SERPINB7: variants seen among roughly 807,000 people sequenced by gnomAD.
SERPINB7 encodes serpin family B member 7.
In SERPINB7, 31 loss-of-function variants were observed where a neutral mutation model predicts 37.4. The ratio of observed to expected loss-of-function variants is 0.83; its 90% CI spans 0.62 to 1.12. The LOEUF (loss-of-function observed/expected upper bound fraction) is 1.12. SERPINB7 is among the 50% of genes most tolerant of loss of function. The probability of loss-of-function intolerance (pLI) is 0.00; values close to 1 mark genes in which losing one functional copy is unlikely to be tolerated. For synonymous variants in SERPINB7, 163 were observed against 166.1 expected, an observed-to-expected ratio of 0.98 and a Z score of 0.14; for missense variants, 521 against 455.3, an observed-to-expected ratio of 1.14 and a Z score of -1.31.
At chr18:63,770,873 G>GCACACACACACA (rs10634962), upstream of SERPINB7, among the ~76,000 whole-genome samples, 1,613 of 148,922 alleles carry the variant, frequency 0.011, 15 homozygotes, top group African/African-American at 0.026. Context: ...GTCTGCACAT[G>GCACACACACACA]CACACACACA....
At chr18:63,783,085 C>T (rs1466725380) in intron 2 of SERPINB7, among the ~76,000 whole-genome samples, 1 of 151,368 alleles carries the variant, frequency 6.6e-6, no homozygotes, top group Non-Finnish European at 1.5e-5. Flanking sequence ...TTGCAGTGAG[C>T]CGAGATAGCG....
At chr18:63,775,371 C>T (rs371005963), upstream of SERPINB7, 23 of 152,274 alleles carry the variant, frequency 1.5e-4, no homozygotes, top group South Asian at 4.6e-3. Flanking sequence ...AGAGACAGTG[C>T]TGTGCTCTGA....
chr18:63,791,322 T>A (rs950411160), intron 2 of SERPINB7, among the ~76,000 whole-genome samples: 2 of 152,182 alleles, frequency 1.3e-5, no homozygotes, highest in Non-Finnish European at 2.9e-5. Flanking sequence ...AAAATGGTGA[T>A]GACATAGAGT....
chr18:63,771,904 T>C (rs1055457983), upstream of SERPINB7, among the ~76,000 whole-genome samples: 1 of 151,032 alleles, frequency 6.6e-6, no homozygotes, highest in African/African-American at 2.4e-5. Context: ...GAAGGCTTCA[T>C]GGTTCAAAAA....
intron 6 of SERPINB7, among the ~76,000 whole-genome samples, 197 bp downstream of exon 6, chr18:63,798,943 C>T (rs1458737036): frequency 6.6e-6 from 1 of 152,082 alleles, no homozygotes; most frequent in Non-Finnish European, 1.5e-5. Flanking sequence ...TGAAACACCA[C>T]CAAACGTGTC....
chr18:63,787,184 T>G (rs1330328334), intron 2 of SERPINB7, among the ~76,000 whole-genome samples: 1 of 152,208 alleles, frequency 6.6e-6, no homozygotes, highest in East Asian at 1.9e-4. Flanking sequence ...TGCGTCATGT[T>G]GATGCTCAAA....
intron 2 of SERPINB7, among the ~76,000 whole-genome samples, chr18:63,783,965 T>TA (rs1464835816): frequency 6.6e-6 from 1 of 152,248 alleles, no homozygotes; most frequent in Non-Finnish European, 1.5e-5. Context: ...TACAGAGTCT[T>TA]AGACTGCTGT....
chr18:63,789,243 A>G (rs2049402494), intron 2 of SERPINB7, among the ~76,000 whole-genome samples: 1 of 152,194 alleles, frequency 6.6e-6, no homozygotes, highest in Non-Finnish European at 1.5e-5. Context: ...GGAAAGAAGG[A>G]TACAAAGGGA....
intron 1 of SERPINB7, among the ~76,000 whole-genome samples, chr18:63,755,219 A>G (rs550604010): frequency 6.6e-6 from 1 of 151,142 alleles, no homozygotes; most frequent in South Asian, 2.1e-4. Context: ...TGAGGTCTTA[A>G]GTTGAGGTGG....
chr18:63,773,052 C>T (rs549464510), upstream of SERPINB7, among the ~76,000 whole-genome samples: 20 of 152,104 alleles, frequency 1.3e-4, no homozygotes, highest in South Asian at 3.7e-3. Context: ...AAACAAGAGA[C>T]ATAGAGTAAC....
intron 1 of SERPINB7, among the ~76,000 whole-genome samples, chr18:63,760,714 C>T (rs1382008236): frequency 1.3e-5 from 2 of 152,164 alleles, no homozygotes; most frequent in African/African-American, 2.4e-5. Context: ...CTGAAAGGGG[C>T]CAATGTACAG....
intron 1 of SERPINB7, among the ~76,000 whole-genome samples, chr18:63,753,306 A>T (rs915655246): frequency 2.0e-5 from 3 of 152,188 alleles, no homozygotes; most frequent in Admixed American, 6.5e-5. Flanking sequence ...AACCACAGCC[A>T]ATCTCTGTTC....
chr18:63,800,060 T>C (rs772652861), intron 6 of SERPINB7, among the ~76,000 whole-genome samples: 1 of 93,962 alleles, frequency 1.1e-5, no homozygotes, highest in Non-Finnish European at 1.8e-5. Flanking sequence ...AAATAGCGTA[T>C]TTTTTTTTTT....
intron 5 of SERPINB7, among the ~76,000 whole-genome samples, chr18:63,797,029 C>T (rs1480049486): frequency 1.3e-5 from 2 of 152,138 alleles, no homozygotes; most frequent in African/African-American, 4.8e-5. Context: ...AAAAGTACAG[C>T]TCTTTATTGG....
chr18:63,799,556 G>T (rs2049524829), intron 6 of SERPINB7, among the ~76,000 whole-genome samples: 1 of 152,122 alleles, frequency 6.6e-6, no homozygotes, highest in Non-Finnish European at 1.5e-5. Context: ...GTTGAATCTA[G>T]ATCTCTGATA....
At chr18:63,759,139 T>C (rs1238789620) in intron 1 of SERPINB7, among the ~76,000 whole-genome samples, 1 of 152,222 alleles carries the variant, frequency 6.6e-6, no homozygotes, top group Admixed American at 6.5e-5. Flanking sequence ...ACTCTTCTGA[T>C]GTATCCTATC....
chr18:63,800,781 C>G lies in SERPINB7; in HGVS notation c.598-85C>G. 5 of 1,465,902 alleles carry G rather than the reference C, an allele frequency of 3.4e-6. 1 individual carries two copies. In the South Asian group the frequency reaches 6.7e-5, roughly 20 times the overall value. The allele number at this position is 1,465,902 out of a possible 1,614,324, so 90.8% of individuals were successfully genotyped here. ...GGTCAACTGAGCAAAAATTTATTGA[C>G]CAAGTACAATATTCTTATATGTATT... On this transcript the variant is annotated intron_variant, in intron 6 of 7. Transcript: ENST00000398019.
At chr18:63,794,110 A>ATTTTTTTTTTTTTTTTTTTTTT (rs34450022) in intron 4 of SERPINB7, among the ~76,000 whole-genome samples, 3 of 105,572 alleles carry the variant, frequency 2.8e-5, no homozygotes, top group Non-Finnish European at 3.6e-5. Context: ...CATCCTGCTA[A>ATTTTTTTTTTTTTTTTTTTTTT]TTTTTTTTTT....
intron 6 of SERPINB7, among the ~76,000 whole-genome samples, chr18:63,799,062 A>G (rs1386470581): frequency 1.3e-5 from 2 of 152,062 alleles, no homozygotes; most frequent in Non-Finnish European, 2.9e-5. Context: ...ACAAAAGTGT[A>G]TTTTTCATTT....
Sources: allele counts gnomAD v4.1 joint callset (sites outside exome capture counted in the v4.1 genomes callset), GRCh38; gene constraint gnomAD v4.1.1; transcripts MANE v1.5; gene names NCBI Gene and HGNC (gene_info 2026-07-23, HGNC 2026-07-21).